EIF2B3: variants seen among roughly 807,000 people sequenced by gnomAD.
EIF2B3 encodes translation initiation factor eIF2B subunit gamma.
In EIF2B3, 20 loss-of-function variants were observed where a neutral mutation model predicts 54.1. That is an observed-to-expected ratio of 0.37 (90% CI 0.26 to 0.54). EIF2B3 has a LOEUF of 0.54. Ranked by LOEUF, EIF2B3 falls within the 20% of genes least tolerant of loss-of-function variation. EIF2B3 has a pLI of 0.86. For missense variants in EIF2B3, 448 were observed against 547.8 expected, an observed-to-expected ratio of 0.82 and a Z score of 1.82; for synonymous variants, 153 against 188.1, an observed-to-expected ratio of 0.81 and a Z score of 1.52.
At chr1:44,977,103 A>G (rs1644460725) in intron 3 of EIF2B3, among the ~76,000 whole-genome samples, 1 of 152,242 alleles carries the variant, frequency 6.6e-6, no homozygotes, top group Non-Finnish European at 1.5e-5. Context: ...CCGTTTAATC[A>G]CCAGAAATAA....
chr1:44,877,209 A>C (rs71653933), intron 8 of EIF2B3, among the ~76,000 whole-genome samples: 14,794 of 147,904 alleles, frequency 0.1, 1,281 homozygotes, highest in Non-Finnish European at 0.14. Flanking sequence ...AAAAAAAAAA[A>C]AAAAAAAAAA....
At chr1:44,854,152 G>A (rs1464322578) in intron 11 of EIF2B3, among the ~76,000 whole-genome samples, 1 of 151,816 alleles carries the variant, frequency 6.6e-6, no homozygotes, top group Non-Finnish European at 1.5e-5. Flanking sequence ...ACAGGTGTGT[G>A]CCATCACACA....
At chr1:44,984,907 CG>C (rs2148968027) in intron 1 of EIF2B3, among the ~76,000 whole-genome samples, 1 of 144,980 alleles carries the variant, frequency 6.9e-6, no homozygotes, top group East Asian at 2.1e-4. Flanking sequence ...CCCGGGTTCA[CG>C]CCATTCTCCT....
chr1:44,897,323 T>C lies in EIF2B3; in HGVS notation c.656+32A>G, dbSNP rs563364773. The stretch of plus-strand genomic sequence containing the variant: ...ATTCACAAAGTAGCTTGTTAAGTAC[T>C]GTAGGTTTGACTCTACCACCCTTTT... On this transcript the variant is annotated intron_variant, in intron 6 of 11. Coordinates refer to ENST00000360403, the MANE Select transcript of EIF2B3 (RefSeq NM_020365.5). 17 of 1,508,166 alleles carry C rather than the reference T, an allele frequency of 1.1e-5. No homozygotes were observed. In the East Asian group the frequency reaches 2.9e-4, roughly 26 times the overall value. 93.4% of individuals were successfully genotyped at this position (1,508,166 alleles called of 1,614,324 possible).
At chr1:44,877,218 A>AAAAAAAAAC (rs1655221729) in intron 8 of EIF2B3, among the ~76,000 whole-genome samples, 1 of 150,232 alleles carries the variant, frequency 6.7e-6, no homozygotes, top group African/African-American at 2.5e-5. Flanking sequence ...AAAAAAAAAA[A>AAAAAAAAAC]AAAACACCTT....
intron 10 of EIF2B3, among the ~76,000 whole-genome samples, chr1:44,861,534 A>G (rs546445567): frequency 4.6e-5 from 7 of 152,328 alleles, no homozygotes; most frequent in African/African-American, 1.2e-4. Flanking sequence ...AATCTGGGAT[A>G]TAAGTGGGAG....
intron 3 of EIF2B3, chr1:44,958,623 G>A: frequency 6.5e-7 from 1 of 1,531,144 alleles, no homozygotes; most frequent in Non-Finnish European, 9.0e-7. Context: ...CTATGGCTAT[G>A]CATGGGTCAC....
chr1:44,911,775 T>C (rs1344149310), intron 5 of EIF2B3, among the ~76,000 whole-genome samples: 1 of 152,044 alleles, frequency 6.6e-6, no homozygotes, highest in African/African-American at 2.4e-5. Flanking sequence ...GTTACATATG[T>C]ATACATGTGC....
At chr1:44,870,930 G>A (rs1255548980) in intron 10 of EIF2B3, among the ~76,000 whole-genome samples, 3 of 152,152 alleles carry the variant, frequency 2.0e-5, no homozygotes, top group East Asian at 1.9e-4. Context: ...CTACAGGCAT[G>A]AGCCACCACA....
chr1:44,897,638 G>C (rs1444596475), intron 5 of EIF2B3, among the ~76,000 whole-genome samples, 194 bp from the exon 6 acceptor site: 1 of 151,728 alleles, frequency 6.6e-6, no homozygotes, highest in Non-Finnish European at 1.5e-5. Context: ...GTTTTCCCTA[G>C]AAACCCTATG....
At chr1:44,951,538 G>A (rs957594967) in intron 3 of EIF2B3, among the ~76,000 whole-genome samples, 1 of 152,008 alleles carries the variant, frequency 6.6e-6, no homozygotes. Flanking sequence ...CTCATCCCTT[G>A]TACTCACCAG....
At chr1:44,882,309 T>C (rs1448901111) in intron 6 of EIF2B3, among the ~76,000 whole-genome samples, 1 of 152,228 alleles carries the variant, frequency 6.6e-6, no homozygotes, top group Non-Finnish European at 1.5e-5. Flanking sequence ...GAAACCACCT[T>C]TGCAAAAATA....
At chr1:44,862,496 C>T (rs1654639626) in intron 10 of EIF2B3, among the ~76,000 whole-genome samples, 1 of 152,136 alleles carries the variant, frequency 6.6e-6, no homozygotes, top group African/African-American at 2.4e-5. Flanking sequence ...AGCAAGAGTG[C>T]CTCCAAATTC....
chr1:44,880,124 T>A, intron 7 of EIF2B3, 116 bp from the exon 8 acceptor site: 1 of 1,161,632 alleles, frequency 8.6e-7, no homozygotes, highest in Non-Finnish European at 1.2e-6. Context: ...CTATGTTGCC[T>A]AGGCTGGTCT....
At chr1:44,979,353 T>A (rs927712047) in intron 2 of EIF2B3, among the ~76,000 whole-genome samples, 14 of 149,956 alleles carry the variant, frequency 9.3e-5, no homozygotes, top group African/African-American at 3.4e-4. Flanking sequence ...CAGAAGAACA[T>A]TAATCAAAAA....
intron 6 of EIF2B3, among the ~76,000 whole-genome samples, chr1:44,887,120 T>G (rs1371054826): frequency 6.6e-6 from 1 of 152,218 alleles, no homozygotes; most frequent in Non-Finnish European, 1.5e-5. Flanking sequence ...CAAGTTTCTT[T>G]GAGCAAATTT....
intron 11 of EIF2B3, among the ~76,000 whole-genome samples, chr1:44,855,754 A>C (rs111470739): frequency 2.6e-5 from 4 of 151,928 alleles, no homozygotes. Context: ...ACGGGGTTTC[A>C]CCATGTTGGT....
chr1:44,899,697 G>A (rs12084731), intron 5 of EIF2B3, among the ~76,000 whole-genome samples: 10,217 of 152,232 alleles, frequency 0.067, 1,192 homozygotes, highest in African/African-American at 0.23. Flanking sequence ...ATGCCGGTGA[G>A]ACTGTGGAGA....
chr1:44,860,822 C>G (rs1310240790), intron 10 of EIF2B3, among the ~76,000 whole-genome samples: 1 of 151,908 alleles, frequency 6.6e-6, no homozygotes, highest in African/African-American at 2.4e-5. Context: ...GTGTAAGCAC[C>G]CTTTTAACAA....
Sources: allele counts gnomAD v4.1 joint callset (sites outside exome capture counted in the v4.1 genomes callset), GRCh38; gene constraint gnomAD v4.1.1; transcripts MANE v1.5; gene names NCBI Gene and HGNC (gene_info 2026-07-23, HGNC 2026-07-21).